RAB27B: variants seen among roughly 807,000 people sequenced by gnomAD.
RAB27B encodes RAB27B, member RAS oncogene family, also known as ras-related protein Rab-27B.
In RAB27B, 15 loss-of-function variants were observed where a neutral mutation model predicts 24.6. The observed-to-expected ratio is 0.61, with a 90% confidence interval of 0.41 to 0.94. The LOEUF (loss-of-function observed/expected upper bound fraction) is 0.94. RAB27B is among the 40% of genes least tolerant of loss of function. The probability of loss-of-function intolerance (pLI) is 0.00; values close to 1 mark genes in which losing one functional copy is unlikely to be tolerated. For missense variants in RAB27B, 261 were observed against 266.8 expected (o/e 0.98, Z 0.15); for synonymous variants, 105 against 92.5 (o/e 1.14, Z -0.78).
rs575322525 is a variant in RAB27B at position 54,892,665 on chromosome 18, G to A, written c.*3252G>A. ...TAAACGCCAAGAGTTGAGCCTGTGGGTCTCTCCATAAGAGTTTTAAAACTC... is the reference window on the plus strand; with the variant it reads ...TAAACGCCAAGAGTTGAGCCTGTGGATCTCTCCATAAGAGTTTTAAAACTC... On this transcript the variant is annotated 3_prime_UTR_variant, in exon 6 of 6. Coordinates refer to ENST00000262094, the MANE Select transcript of RAB27B (RefSeq NM_004163.4). 6.6e-6 allele frequency: 1 copy of A among 152,060 alleles called. No individual in the cohort carries two copies. The highest frequency in any genetic ancestry group is 6.6e-5 in the Admixed American group (1 of 15,240). 9.4% of individuals were successfully genotyped at this position (152,060 alleles called of 1,614,324 possible). A position where few individuals can be genotyped will look rare whatever the true frequency, so the allele number is the denominator to read the frequency against.
rs200197079 is a variant in RAB27B, at chr18:54,878,580, T to A, written c.154-789T>A. Among the ~76,000 whole-genome samples, 3 of 152,302 alleles carry A rather than the reference T, an allele frequency of 2.0e-5. No individual in the cohort carries two copies. In the East Asian group the frequency reaches 5.8e-4, roughly 29 times the overall value. ...AAGTCAATACATGGTTGTGTAGGCT[T>A]AGCAAACTCCCTGACAACCCATTCA... On this transcript the variant is annotated intron_variant, in intron 2 of 5. Coordinates refer to ENST00000262094, the MANE Select transcript of RAB27B (RefSeq NM_004163.4).
rs1230071292 is a variant in RAB27B, at chr18:54,800,169, G to A, written c.-19-77398G>A. Among the ~76,000 whole-genome samples, 4 of 152,030 alleles carry A rather than the reference G, an allele frequency of 2.6e-5. 1 individual carries two copies. The highest frequency in any genetic ancestry group is 4.8e-5 in the African/African-American group (2 of 41,466). On this transcript the variant is annotated intron_variant, in intron 2 of 4. Coordinates refer to the RAB27B transcript ENST00000586570. ...ATATATAGATTTGTTCATTCCCTTT[G>A]GCAGCTCTAAACCACCACACTGTGT...
chr18:54,852,232 C>T (rs572655295), intron 1 of RAB27B, among the ~76,000 whole-genome samples: 14 of 152,206 alleles, frequency 9.2e-5, no homozygotes, highest in African/African-American at 2.9e-4. Flanking sequence ...CTAAGTGGTA[C>T]GCCAGGTGCT....
At chr18:54,731,451 T>A (rs905682687) in intron 2 of RAB27B, among the ~76,000 whole-genome samples, 1 of 152,240 alleles carries the variant, frequency 6.6e-6, no homozygotes, top group Admixed American at 6.5e-5. Flanking sequence ...CCAGGTGTGG[T>A]GGCTCATGCC....
intron 2 of RAB27B, among the ~76,000 whole-genome samples, chr18:54,757,786 T>G (rs1479116931): frequency 6.6e-6 from 1 of 152,056 alleles, no homozygotes; most frequent in Non-Finnish European, 1.5e-5. Flanking sequence ...TTTGTAAAAT[T>G]TGAGAAAGCC....
In RAB27B at chr18:54,783,325, C is replaced by G. The variant is rs113785806; in HGVS notation, c.-20+65184C>G. Among the ~76,000 whole-genome samples, 920 of 152,058 alleles carry G rather than the reference C, an allele frequency of 6.1e-3. 1 individual carries two copies. Among genetic ancestry groups the G allele is most frequent in the African/African-American group, 0.021 (878 of 41,468 alleles). On this transcript the variant is annotated intron_variant, in intron 2 of 4. Transcript: ENST00000586570. The stretch of plus-strand genomic sequence containing the variant: ...ACAAAGATGATGATTATCATTATGT[C>G]AATTATTTTGGAGTTTGAAGAATGT...
At chr18:54,832,360 G>A (rs1275066562) in intron 1 of RAB27B, among the ~76,000 whole-genome samples, 1 of 152,202 alleles carries the variant, frequency 6.6e-6, no homozygotes, top group Non-Finnish European at 1.5e-5. Context: ...TAGACAGAAG[G>A]CCATTTCCTA....
chr18:54,834,481 T>C (rs1186505226), intron 1 of RAB27B, among the ~76,000 whole-genome samples: 1 of 152,190 alleles, frequency 6.6e-6, no homozygotes, highest in Non-Finnish European at 1.5e-5. Flanking sequence ...ACATCCCTAC[T>C]GTTCAGCTCT....
intron 1 of RAB27B, among the ~76,000 whole-genome samples, chr18:54,855,656 A>G (rs547459620): frequency 6.6e-6 from 1 of 152,310 alleles, no homozygotes; most frequent in African/African-American, 2.4e-5. Flanking sequence ...CACAGAAGCA[A>G]AAGTAGGTGT....
In RAB27B at chr18:54,779,131, C is replaced by T. The variant is rs60253888; in HGVS notation, c.-20+60990C>T. Among the ~76,000 whole-genome samples the T allele has an allele frequency of 2.4e-3, 368 of 152,252 alleles. 4 individuals carry two copies. The highest frequency in any genetic ancestry group is 8.6e-3 in the African/African-American group (359 of 41,542). On this transcript the variant is annotated intron_variant, in intron 2 of 4. Transcript: ENST00000586570. Reference sequence around the variant, plus strand: ...AGGATTACAGGCATGAGCCACCGTACCTGGCGCAGTTAAGTCCTTTCACAC... The same window carrying T: ...AGGATTACAGGCATGAGCCACCGTATCTGGCGCAGTTAAGTCCTTTCACAC...
chr18:54,742,276 G>T (rs377302897), intron 2 of RAB27B, among the ~76,000 whole-genome samples: 3 of 152,148 alleles, frequency 2.0e-5, no homozygotes, highest in African/African-American at 7.2e-5. Context: ...CAGTCGTAAT[G>T]GTGGGTGGAA....
chr18:54,720,131 C>G (rs1909312632), intron 2 of RAB27B, among the ~76,000 whole-genome samples: 1 of 152,060 alleles, frequency 6.6e-6, no homozygotes, highest in Non-Finnish European at 1.5e-5. Context: ...TGGCACAGTG[C>G]TTAGCAGAAG....
chr18:54,803,822 T>C (rs2145134325), intron 2 of RAB27B, among the ~76,000 whole-genome samples: 1 of 152,282 alleles, frequency 6.6e-6, no homozygotes, highest in African/African-American at 2.4e-5. Context: ...ATAATTTGGT[T>C]AGGACAGGTT....
rs971225357 is a variant in RAB27B, at chr18:54,767,878, C to T, written c.-20+49737C>T. 6.7e-4 allele frequency among the ~76,000 whole-genome samples: 102 copies of T among 152,102 alleles called. 1 individual carries two copies. Among genetic ancestry groups the T allele is most frequent in the Middle Eastern group, 3.2e-3 (1 of 316 alleles). ...ATCAGATTGTAAAGGGATGTTTGTT[C>T]CATAAAGTTGCCTAGAATCATCTCA... On this transcript the variant is annotated intron_variant, in intron 2 of 4. Coordinates refer to the RAB27B transcript ENST00000586570.
chr18:54,728,665 A>G (rs1221693896), intron 2 of RAB27B, among the ~76,000 whole-genome samples: 3 of 151,998 alleles, frequency 2.0e-5, no homozygotes, highest in Admixed American at 2.0e-4. Flanking sequence ...ACTTGAGGTC[A>G]GGGGTTTGAG....
At chr18:54,792,185 A>G (rs1455020811) in intron 2 of RAB27B, among the ~76,000 whole-genome samples, 1 of 152,174 alleles carries the variant, frequency 6.6e-6, no homozygotes, top group African/African-American at 2.4e-5. Context: ...AGCTGGAAAC[A>G]TTCACCCCTA....
At chr18:54,801,464 C>T (rs757937652) in intron 2 of RAB27B, among the ~76,000 whole-genome samples, 1 of 152,178 alleles carries the variant, frequency 6.6e-6, no homozygotes, top group Non-Finnish European at 1.5e-5. Flanking sequence ...AATCTGTCAT[C>T]ACTGTATCCC....
At position 54,783,481 on chromosome 18, in the gene RAB27B, T is replaced by TGTGTG. The variant is rs1908980504; in HGVS notation, c.-20+65340_-20+65341insGTGTG. ...AATGTTAATTATGAAGCCTATGGCT[T>TGTGTG]TGTGTGTGTGTGTGTGTGTGTGTGT... On this transcript the variant is annotated intron_variant, in intron 2 of 4. Coordinates refer to the RAB27B transcript ENST00000586570. 3.8e-3 allele frequency among the ~76,000 whole-genome samples: 571 copies of TGTGTG among 149,788 alleles called. 5 individuals carry two copies. The highest frequency in any genetic ancestry group is 0.013 in the African/African-American group (542 of 40,808).
chr18:54,872,577 A>T (rs1285479303), intron 1 of RAB27B, among the ~76,000 whole-genome samples: 1 of 151,236 alleles, frequency 6.6e-6, no homozygotes, highest in Admixed American at 6.6e-5. Context: ...GTGAGCTGAG[A>T]TGGCGCCATT....
Sources: allele counts gnomAD v4.1 joint callset (sites outside exome capture counted in the v4.1 genomes callset), GRCh38; gene constraint gnomAD v4.1.1; transcripts MANE v1.5; gene names NCBI Gene and HGNC (gene_info 2026-07-23, HGNC 2026-07-21).